The following MTFR1 variants were observed in gnomAD, a reference collection of about 807,000 sequenced individuals.
MTFR1 encodes chondrocyte protein with a poly-proline region.
A neutral mutation model predicts 38.8 loss-of-function variants in MTFR1; 28 were observed. That is an observed-to-expected ratio of 0.72 (90% confidence interval 0.53 to 0.99). The LOEUF is 0.99. Ranked by LOEUF, MTFR1 falls within the 50% of genes least tolerant of loss-of-function variation. MTFR1 has a pLI of 0.00. For synonymous variants in MTFR1, 145 were observed against 137.0 expected (o/e 1.06, Z -0.41); for missense variants, 358 against 395.5 (o/e 0.91, Z 0.81).
chr8:65,670,774 G>A (rs1419762702), intron 2 of MTFR1, among the ~76,000 whole-genome samples: 2 of 150,076 alleles, frequency 1.3e-5, no homozygotes, highest in Admixed American at 6.7e-5. Flanking sequence ...GAGCAATCTC[G>A]GCTCACTGCA....
At chr8:65,669,633 C>A (rs932072124) in intron 1 of MTFR1, among the ~76,000 whole-genome samples, 4 of 151,764 alleles carry the variant, frequency 2.6e-5, no homozygotes, top group African/African-American at 7.3e-5. Context: ...CTCACCGCAA[C>A]CTCCGCCTCC....
chr8:65,729,811 C>T (rs1293484860), intron 3 of MTFR1, among the ~76,000 whole-genome samples: 4 of 151,902 alleles, frequency 2.6e-5, no homozygotes, highest in Non-Finnish European at 4.4e-5. Context: ...TCAGGTGATC[C>T]GCCTGCCTTG....
chr8:65,720,429 T>TGGAC (rs1409495997), intron 3 of MTFR1: 4 of 154,180 alleles, frequency 2.6e-5, no homozygotes, highest in Non-Finnish European at 5.9e-5. Flanking sequence ...AAAGACCATG[T>TGGAC]GGACCACAGA....
At chr8:65,721,113 C>T (rs1046509669) in intron 3 of MTFR1, among the ~76,000 whole-genome samples, 1 of 146,586 alleles carries the variant, frequency 6.8e-6, no homozygotes, top group Non-Finnish European at 1.5e-5. Context: ...GGACCAGCCT[C>T]TCTCTTGGAG....
At chr8:65,768,078 C>T (rs1024152442) in intron 3 of MTFR1, among the ~76,000 whole-genome samples, 3 of 152,098 alleles carry the variant, frequency 2.0e-5, no homozygotes, top group African/African-American at 4.8e-5. Flanking sequence ...TGGTGTCCAC[C>T]GCTTGGTGTG....
chr8:65,666,201 G>A (rs1442268916), intron 1 of MTFR1, among the ~76,000 whole-genome samples: 1 of 152,194 alleles, frequency 6.6e-6, no homozygotes, highest in Non-Finnish European at 1.5e-5. Flanking sequence ...GAGGTCAGGT[G>A]TTTGAGACCA....
At chr8:65,757,418 T>C (rs1808282898) in intron 3 of MTFR1, among the ~76,000 whole-genome samples, 3 of 152,200 alleles carry the variant, frequency 2.0e-5, no homozygotes. Flanking sequence ...TATTAATAAC[T>C]AGTCCAGTCC....
chr8:65,680,942 G>T (rs1224870729), intron 2 of MTFR1, among the ~76,000 whole-genome samples: 2 of 118,340 alleles, frequency 1.7e-5, no homozygotes, highest in Non-Finnish European at 3.2e-5. Flanking sequence ...GTCTCGCTCT[G>T]TCGCCCAGGC....
At chr8:65,737,399 T>C (rs1807186671) in intron 3 of MTFR1, among the ~76,000 whole-genome samples, 1 of 152,178 alleles carries the variant, frequency 6.6e-6, no homozygotes, top group Non-Finnish European at 1.5e-5. Flanking sequence ...TCACACTATA[T>C]TAATTATAAA....
chr8:65,679,484 TGTAATCCCAGCTACA>T (rs1804813590), intron 2 of MTFR1: 1 of 152,142 alleles, frequency 6.6e-6, no homozygotes, highest in Admixed American at 6.6e-5. Context: ...GGCATTCACT[TGTAATCCCAGCTACA>T]GTAATCTCAG....
Position 65,693,655 on chromosome 8 carries a change from T to C in MTFR1, c.177T>C (p.His59=), listed in dbSNP as rs1378583887. 2 of 1,613,760 alleles carry C rather than the reference T, an allele frequency of 1.2e-6. No homozygotes were observed. Among genetic ancestry groups the C allele is most frequent in the Non-Finnish European group, 1.7e-6 (2 of 1,179,860 alleles). ...TTTATAACTTACAGATTAACAGCCA[T>C]GCAACAGAATGGAGTCCCAGCCACC... ...CPRVQFQINS[H]ATEWSPSHPG... The change falls in exon 4 of 8, where the codon CAT becomes CAC. Residue 59 remains histidine (H), a synonymous_variant. Coordinates refer to ENST00000262146, the MANE Select transcript of MTFR1 (RefSeq NM_014637.4).
intron 1 of MTFR1, among the ~76,000 whole-genome samples, chr8:65,663,866 C>T (rs1219962030): frequency 3.4e-5 from 5 of 147,730 alleles, no homozygotes; most frequent in Non-Finnish European, 5.9e-5. Context: ...ACTCTGTCAC[C>T]CAGGCTGGAG....
intron 3 of MTFR1, among the ~76,000 whole-genome samples, chr8:65,686,140 A>G (rs1805064525): frequency 1.3e-5 from 2 of 152,220 alleles, no homozygotes; most frequent in African/African-American, 4.8e-5. Context: ...TTCAATAACT[A>G]CTAGATAATT....
intron 1 of MTFR1, among the ~76,000 whole-genome samples, chr8:65,645,760 C>G (rs1808949356): frequency 7.1e-6 from 1 of 140,782 alleles, no homozygotes; most frequent in Non-Finnish European, 1.5e-5. Flanking sequence ...AACTCCTTGG[C>G]TTAAGCGATC....
chr8:65,764,338 T>C (rs760910489), intron 3 of MTFR1, among the ~76,000 whole-genome samples: 10 of 152,214 alleles, frequency 6.6e-5, no homozygotes, highest in Non-Finnish European at 1.2e-4. Flanking sequence ...AAGATCTTAG[T>C]CTACAATACC....
At position 65,668,794 on chromosome 8, in the gene MTFR1, G is replaced by A. The variant is rs571564541; in HGVS notation, c.-80-1079G>A. Among the ~76,000 whole-genome samples the A allele has an allele frequency of 1.6e-4, 24 of 152,276 alleles. No homozygotes were observed. The South Asian group carries it at 3.9e-3, about 25-fold the overall frequency. On this transcript the variant is annotated intron_variant, in intron 1 of 7. Coordinates refer to ENST00000262146, the MANE Select transcript of MTFR1 (RefSeq NM_014637.4). Reference sequence around the variant, plus strand: ...ATCCCAAAGTGCTGGGATTACAGATGTGAACCACCACGCCCGGCCTTAAGC... The same window carrying A: ...ATCCCAAAGTGCTGGGATTACAGATATGAACCACCACGCCCGGCCTTAAGC...
rs1213807706 is a variant in MTFR1 at position 65,715,756 on chromosome 8, C to T, written c.382-3624C>T. ...ATCCCAGCACTATGGGAGGCCGAGG[C>T]GGGCGGATCACGAGGTCAGGAGATT... On this transcript the variant is annotated intron_variant, in intron 2 of 3. Coordinates refer to the MTFR1 transcript ENST00000521247. Among the ~76,000 whole-genome samples the T allele has an allele frequency of 1.2e-4, 17 of 147,074 alleles. No homozygotes were observed. In the South Asian group the frequency reaches 2.0e-3, roughly 17 times the overall value.
intron 6 of MTFR1, 118 bp downstream of exon 6, chr8:65,707,374 A>C (rs1281161923): frequency 2.0e-5 from 22 of 1,101,226 alleles, no homozygotes; most frequent in Non-Finnish European, 2.8e-5. Flanking sequence ...TTAGTTTAAA[A>C]AAAAGATGAG....
intron 3 of MTFR1, among the ~76,000 whole-genome samples, chr8:65,732,581 T>C (rs928117988): frequency 2.0e-5 from 3 of 152,202 alleles, no homozygotes; most frequent in Non-Finnish European, 4.4e-5. Context: ...GCAGTGGCAC[T>C]ATCACTACTC....
Sources: allele counts gnomAD v4.1 joint callset (sites outside exome capture counted in the v4.1 genomes callset), GRCh38; gene constraint gnomAD v4.1.1; transcripts MANE v1.5; gene names NCBI Gene and HGNC (gene_info 2026-07-23, HGNC 2026-07-21).